SDF4: variants seen among roughly 807,000 people sequenced by gnomAD.
SDF4 encodes stromal cell derived factor 4.
A neutral mutation model predicts 34.2 loss-of-function variants in SDF4; 22 were observed. The observed-to-expected ratio is 0.64, with a 90% CI of 0.46 to 0.92. SDF4 has a LOEUF of 0.92. SDF4 is among the 40% of genes least tolerant of loss of function. SDF4 has a pLI of 0.00. For synonymous variants in SDF4, 236 were observed against 203.1 expected (o/e 1.16, Z -1.38); for missense variants, 447 against 499.9 (o/e 0.89, Z 1.01).
chr1:1,227,936 A>G (rs1216103764), intron 2 of SDF4, among the ~76,000 whole-genome samples: 6 of 152,158 alleles, frequency 3.9e-5, no homozygotes, highest in Non-Finnish European at 7.4e-5. Flanking sequence ...CCAGGCCAGC[A>G]AAACAAGCCA....
chr1:1,228,786 CAGA>C lies in SDF4; in HGVS notation c.-17_-15del. On this transcript the variant is annotated 5_prime_UTR_variant, in exon 2 of 7. Transcript: ENST00000360001. ...CCTGGACGCCATCGCCACCCAGGGC[CAGA>C]CCATGGGGCGGGCTGCAGGGTGTGG... 6.3e-7 allele frequency: 1 copy of C among 1,596,598 alleles called. No homozygotes were observed.
At chr1:1,219,327 C>A in intron 4 of SDF4, 1 of 1,140,982 alleles carries the variant, frequency 8.8e-7, no homozygotes, top group Non-Finnish European at 1.1e-6. Context: ...TGATCCAGAA[C>A]CTCCCCATGG....
rs920425303 is a variant in SDF4 at position 1,217,883 on chromosome 1, G to A, written c.892-195C>T. 19 of 1,413,216 alleles carry A rather than the reference G, an allele frequency of 1.3e-5. No individual in the cohort carries two copies. The highest frequency in any genetic ancestry group is 7.5e-5 in the East Asian group (3 of 40,002). The allele number at this position is 1,413,216 out of a possible 1,614,324, so 87.5% of individuals were successfully genotyped here. A position where few individuals can be genotyped will look rare whatever the true frequency, so the allele number is the denominator to read the frequency against. On this transcript the variant is annotated intron_variant, in intron 6 of 6. Transcript: ENST00000360001. The surrounding 1 kb of genome is among the most constrained non-coding windows in gnomAD (Gnocchi z 8.5). ...GCCGGGGGCCCCGGAAGGCCTGCCC[G>A]GGGCCAGCAGGGGTAACGGGGCACA...
At chr1:1,219,222 C>G in intron 4 of SDF4, 1 of 1,229,722 alleles carries the variant, frequency 8.1e-7, no homozygotes. Context: ...TGCCCCAGAC[C>G]CCCAATACAT....
In SDF4 at chr1:1,226,926, C is replaced by A. The variant is rs1334154476; in HGVS notation, c.305+1542G>T. Among the ~76,000 whole-genome samples the A allele has an allele frequency of 2.0e-5, 3 of 152,344 alleles. No homozygotes were observed. In the East Asian group the frequency reaches 5.8e-4, roughly 29 times the overall value. On this transcript the variant is annotated intron_variant, in intron 2 of 6. Coordinates refer to ENST00000360001, the MANE Select transcript of SDF4 (RefSeq NM_016176.6). ...GTGAGCTCAGGGGTGGTGAACCTGACAGGCCCCAGGGGCACCAGCAGCCTC... is the reference window on the plus strand; with the variant it reads ...GTGAGCTCAGGGGTGGTGAACCTGAAAGGCCCCAGGGGCACCAGCAGCCTC...
At chr1:1,225,532 C>G (rs1638277487) in intron 2 of SDF4, among the ~76,000 whole-genome samples, 1 of 152,336 alleles carries the variant, frequency 6.6e-6, no homozygotes, top group African/African-American at 2.4e-5. Context: ...CCGCAGCAGC[C>G]CAGAGGTGGA....
chr1:1,229,062 CCTTCTCCAGACCACACGTGGCACT>C lies in SDF4; in HGVS notation c.-174-140_-174-117del, dbSNP rs1345378235. The C allele has an allele frequency of 1.8e-5, 8 of 440,300 alleles. No individual in the cohort carries two copies. In the African/African-American group the frequency reaches 2.2e-4, roughly 12 times the overall value. 27.3% of individuals were successfully genotyped at this position (440,300 alleles called of 1,614,324 possible). ...CACAGGATCCAGACATGTGGCATCGCCTTCTCCAGACCACACGTGGCACTGCCTTCTCCAGACCACACGTGGCAT... is the reference window on the plus strand; with the variant it reads ...CACAGGATCCAGACATGTGGCATCGCGCCTTCTCCAGACCACACGTGGCAT... On this transcript the variant is annotated intron_variant, in intron 1 of 6. Transcript: ENST00000360001.
intron 4 of SDF4, 190 bp from the exon 5 acceptor site, chr1:1,219,117 C>T (rs1374711809): frequency 6.0e-6 from 9 of 1,510,034 alleles, no homozygotes; most frequent in African/African-American, 2.8e-5. Flanking sequence ...CCCGCCAAGA[C>T]ATAACCCAGA....
chr1:1,219,774 G>A, intron 4 of SDF4: 2 of 985,886 alleles, frequency 2.0e-6, no homozygotes, highest in Non-Finnish European at 2.4e-6. Context: ...GCAGTCAGTG[G>A]CCAAGTCCAG....
rs1557514060 is a variant in SDF4, at chr1:1,218,785, CT to C, written c.698del (p.Glu233GlyfsTer40). 2 of 1,612,186 alleles carry C rather than the reference CT, an allele frequency of 1.2e-6. No individual in the cohort carries two copies. The highest frequency in any genetic ancestry group is 1.7e-5 in the Admixed American group (1 of 59,964). ...SRGMLRFMVKEIVRDLDQDGD... is the reference protein window; with the variant it reads ...SRGMLRFMVKXIVRDLDQDGD... ...CAGCCTCACCCAGGTCCCGGACGAT[CT>C]CCTTCACCATGAACCTGAGCATTCC... On this transcript the variant is annotated frameshift_variant, in exon 5 of 7. Coordinates refer to ENST00000360001, the MANE Select transcript of SDF4 (RefSeq NM_016176.6). LOFTEE classifies it high-confidence loss of function. This position sits in a 1 kb window ranked among gnomAD's most constrained non-coding sequence, Gnocchi z 7.9.
intron 4 of SDF4, chr1:1,219,672 T>C (rs1300385311): frequency 4.1e-6 from 4 of 986,098 alleles, no homozygotes; most frequent in Non-Finnish European, 4.8e-6. Context: ...CAACGGGCCC[T>C]CACCCCGAGG....
rs1362814130 is a variant in SDF4, at chr1:1,218,878, G to C, written c.606C>G (p.Ser202Arg). 6.3e-6 allele frequency: 10 copies of C among 1,597,852 alleles called. No homozygotes were observed. Among genetic ancestry groups the C allele is most frequent in the Non-Finnish European group, 8.6e-6 (10 of 1,169,552 alleles). Residue 202 changes from serine (S) to arginine (R), a missense_variant, in exon 5 of 7, where the codon AGC (serine) becomes AGG (arginine). Physicochemically the swap from Ser to Arg is moderately radical, Grantham distance 110. Coordinates refer to ENST00000360001, the MANE Select transcript of SDF4 (RefSeq NM_016176.6). The surrounding 1 kb of genome is among the most constrained non-coding windows in gnomAD (Gnocchi z 7.9). Reference sequence around the variant, plus strand: ...CCGTCAGCAGCAGGTCTGCAGGGGGGCTGTCCGCCTGGTACCAGCGGTCCT... The same window carrying C: ...CCGTCAGCAGCAGGTCTGCAGGGGGCCTGTCCGCCTGGTACCAGCGGTCCT... ...NLKDRWYQADSPPADLLLTEE... is the reference protein window; with the variant it reads ...NLKDRWYQADRPPADLLLTEE...
rs771984668 is a variant in SDF4, at chr1:1,223,310, C to T, written c.490G>A (p.Gly164Ser). The T allele has an allele frequency of 1.2e-6, 2 of 1,614,076 alleles. No individual in the cohort carries two copies. Among genetic ancestry groups the T allele is most frequent in the East Asian group, 2.2e-5 (1 of 44,890 alleles). ...EYKVKFLASK[G>S]HSEKEVADAI... is the part of the protein sequence containing the mutation. ...TCGGCAACCTCCTTCTCGCTATGGC[C>T]TTTACTCGCCAAAAACTTCACCTTA... Residue 164 changes from glycine to serine, a missense_variant, in exon 4 of 7, where the codon GGC becomes AGC. Gly to Ser is a moderately conservative substitution (Grantham distance 56). Coordinates refer to ENST00000360001, the MANE Select transcript of SDF4 (RefSeq NM_016176.6).
At chr1:1,221,032 A>T (rs191174025) in intron 4 of SDF4, 195 of 346,694 alleles carry the variant, frequency 5.6e-4, no homozygotes, top group African/African-American at 4.0e-3. Flanking sequence ...CGGCAGGCAG[A>T]TCCCTTTAGC....
intron 2 of SDF4, among the ~76,000 whole-genome samples, chr1:1,224,336 G>C (rs1284189873): frequency 6.6e-6 from 1 of 152,190 alleles, no homozygotes. Flanking sequence ...CTGGAGTGTG[G>C]TGGCGCAATC....
intron 4 of SDF4, chr1:1,220,525 A>G: frequency 4.1e-6 from 5 of 1,215,632 alleles, no homozygotes; most frequent in South Asian, 1.4e-5. Context: ...GAAACCAAAT[A>G]CCCAAAGAGG....
At chr1:1,224,068 A>C in intron 2 of SDF4, 100 bp from the exon 3 acceptor site, 1 of 1,552,136 alleles carries the variant, frequency 6.4e-7, no homozygotes. Context: ...GGCTGCGTGA[A>C]CCTGCCACCA....
At chr1:1,223,106 G>A (rs1041857267) in intron 4 of SDF4, 138 bp downstream of exon 4, 4 of 657,804 alleles carry the variant, frequency 6.1e-6, no homozygotes, top group African/African-American at 3.6e-5. Context: ...TCGTACACAC[G>A]GCACGCACAC....
chr1:1,220,937 C>A, intron 4 of SDF4: 2 of 379,900 alleles, frequency 5.3e-6, no homozygotes, highest in Non-Finnish European at 5.1e-6. Flanking sequence ...AAAATGTAAA[C>A]CACTCTTTTG....
Sources: allele counts gnomAD v4.1 joint callset (sites outside exome capture counted in the v4.1 genomes callset), GRCh38; gene constraint gnomAD v4.1.1; non-coding constraint Gnocchi (gnomAD v3.1); transcripts MANE v1.5; gene names NCBI Gene and HGNC (gene_info 2026-07-23, HGNC 2026-07-21).